PPP2R2B: variants seen among roughly 807,000 people sequenced by gnomAD.
The protein encoded by PPP2R2B is protein phosphatase 2 regulatory subunit Bbeta, also known as serine/threonine-protein phosphatase 2A 55 kDa regulatory subunit B beta isoform.
Under a neutral mutation model 46.0 loss-of-function variants are expected in PPP2R2B, and 5 were observed. The observed-to-expected ratio is 0.11, with a 90% CI of 0.06 to 0.23. PPP2R2B has a LOEUF of 0.23. Among genes scored for constraint, PPP2R2B ranks in the 10% least tolerant of loss-of-function variants. The pLI, the probability that PPP2R2B is intolerant of heterozygous loss-of-function variation, is 1.00. For synonymous variants in PPP2R2B, 215 were observed against 206.7 expected, an observed-to-expected ratio of 1.04 and a Z score of -0.34; for missense variants, 367 against 575.0, an observed-to-expected ratio of 0.64 and a Z score of 3.70.
At chr5:146,696,114 T>A (rs1779163011) in intron 4 of PPP2R2B, among the ~76,000 whole-genome samples, 1 of 152,216 alleles carries the variant, frequency 6.6e-6, no homozygotes, top group East Asian at 1.9e-4. Flanking sequence ...TGAGTTTTTT[T>A]TTTTTTTGAG....
chr5:147,074,164 G>A (rs1452993894), intron 2 of PPP2R2B, among the ~76,000 whole-genome samples: 1 of 152,126 alleles, frequency 6.6e-6, no homozygotes, highest in Non-Finnish European at 1.5e-5. Context: ...ACCATTCCCA[G>A]GGGATTCATA....
intron 6 of PPP2R2B, among the ~76,000 whole-genome samples, chr5:146,644,213 C>A (rs898341544): frequency 1.8e-5 from 2 of 109,710 alleles, no homozygotes; most frequent in Admixed American, 2.4e-4. Flanking sequence ...GGAACCTGAA[C>A]TTCTTCCCTT....
intron 1 of PPP2R2B, among the ~76,000 whole-genome samples, chr5:146,951,993 TA>T (rs984559773): frequency 6.6e-6 from 1 of 150,552 alleles, no homozygotes; most frequent in African/African-American, 2.4e-5. Flanking sequence ...TTTTTTTTTT[TA>T]AAGCTCCTCA....
chr5:147,080,358 C>T (rs76371672), intron 2 of PPP2R2B, among the ~76,000 whole-genome samples: 1 of 152,180 alleles, frequency 6.6e-6, no homozygotes, highest in Non-Finnish European at 1.5e-5. Context: ...CTACTGCATT[C>T]TGCTAGAAGA....
upstream of PPP2R2B, among the ~76,000 whole-genome samples, chr5:146,883,223 A>G (rs1354229066): frequency 6.6e-6 from 1 of 152,164 alleles, no homozygotes; most frequent in African/African-American, 2.4e-5. Flanking sequence ...TGCAAAATGG[A>G]AGAAAACAAT....
chr5:146,881,572 C>A (rs1762169609), upstream of PPP2R2B, among the ~76,000 whole-genome samples: 1 of 152,044 alleles, frequency 6.6e-6, no homozygotes, highest in Non-Finnish European at 1.5e-5. Flanking sequence ...CCACCACACC[C>A]AGCTAATTTT....
At chr5:147,065,654 G>A (rs1471387336) in intron 2 of PPP2R2B, among the ~76,000 whole-genome samples, 1 of 152,050 alleles carries the variant, frequency 6.6e-6, no homozygotes, top group Non-Finnish European at 1.5e-5. Flanking sequence ...GCGAGGTTGA[G>A]GGATTGGAGA....
intron 1 of PPP2R2B, among the ~76,000 whole-genome samples, chr5:147,037,827 A>G (rs1302871185): frequency 6.6e-6 from 1 of 152,204 alleles, no homozygotes; most frequent in Non-Finnish European, 1.5e-5. Context: ...AATTTTTATA[A>G]GAATTAGAGT....
intron 7 of PPP2R2B, among the ~76,000 whole-genome samples, chr5:146,629,065 T>C (rs1286641509): frequency 1.3e-5 from 2 of 152,188 alleles, no homozygotes; most frequent in African/African-American, 4.8e-5. Flanking sequence ...TCTGCCCTAA[T>C]TGACATTATC....
At chr5:146,897,969 C>G (rs1049139424) in intron 1 of PPP2R2B, among the ~76,000 whole-genome samples, 4 of 152,272 alleles carry the variant, frequency 2.6e-5, no homozygotes, top group Admixed American at 2.6e-4. Context: ...GCAGGTGGAT[C>G]ACCTGAGGAG....
At chr5:146,826,602 G>T (rs781081614) in intron 2 of PPP2R2B, among the ~76,000 whole-genome samples, 7 of 152,094 alleles carry the variant, frequency 4.6e-5, no homozygotes, top group Non-Finnish European at 7.4e-5. Context: ...GAACCAACTA[G>T]AACTTACTTT....
At chr5:147,031,019 G>A (rs1056486269) in intron 1 of PPP2R2B, among the ~76,000 whole-genome samples, 4 of 152,020 alleles carry the variant, frequency 2.6e-5, no homozygotes, top group Admixed American at 2.6e-4. Flanking sequence ...GGCGGATCAC[G>A]AGGTCAGGAG....
chr5:146,658,758 C>A (rs1776503719), intron 5 of PPP2R2B, among the ~76,000 whole-genome samples: 1 of 152,126 alleles, frequency 6.6e-6, no homozygotes, highest in Non-Finnish European at 1.5e-5. Flanking sequence ...GTGTACTATG[C>A]AATTCATAAA....
At chr5:146,697,938 C>A (rs377653286) in intron 4 of PPP2R2B, 41 bp downstream of exon 4, 1 of 1,568,092 alleles carries the variant, frequency 6.4e-7, no homozygotes, top group South Asian at 1.2e-5. Context: ...ATAGTTTGGC[C>A]GACTGTATCT....
At chr5:146,599,735 G>T (rs553115660) in intron 8 of PPP2R2B, among the ~76,000 whole-genome samples, 2 of 152,266 alleles carry the variant, frequency 1.3e-5, no homozygotes, top group South Asian at 4.1e-4. Flanking sequence ...TGCCATGGTG[G>T]TTTGCTGCAC....
At chr5:147,028,851 CT>C (rs1264563852) in intron 1 of PPP2R2B, among the ~76,000 whole-genome samples, 4 of 152,104 alleles carry the variant, frequency 2.6e-5, no homozygotes, top group African/African-American at 9.7e-5. Flanking sequence ...ATTTTTAGTC[CT>C]TTTAATTCTA....
intron 2 of PPP2R2B, among the ~76,000 whole-genome samples, chr5:146,835,476 A>C (rs1561945166): frequency 1.3e-5 from 2 of 152,132 alleles, no homozygotes; most frequent in Admixed American, 1.3e-4. Context: ...AAACATGTAC[A>C]TCTTTGGTTT....
intron 2 of PPP2R2B, among the ~76,000 whole-genome samples, chr5:146,873,360 C>T (rs1348679967): frequency 6.6e-6 from 1 of 152,142 alleles, no homozygotes; most frequent in African/African-American, 2.4e-5. Flanking sequence ...GCTCTCTAAC[C>T]CCATCCTACA....
intron 5 of PPP2R2B, among the ~76,000 whole-genome samples, chr5:146,656,144 G>A (rs1776317586): frequency 6.6e-6 from 1 of 152,178 alleles, no homozygotes; most frequent in Admixed American, 6.5e-5. Context: ...GTGTGTATGT[G>A]TACATGAGGA....
Sources: gnomAD v4.1 joint callset for allele counts (sites outside exome capture counted in the v4.1 genomes callset) on GRCh38, gnomAD v4.1.1 for gene constraint, MANE v1.5 for transcripts, NCBI Gene and HGNC (gene_info 2026-07-23, HGNC 2026-07-21) for gene names.